TLR1: variants seen among roughly 807,000 people sequenced by gnomAD.
The protein encoded by TLR1 is toll-like receptor 1.
A neutral mutation model predicts 20.2 loss-of-function variants in TLR1; 19 were observed. The ratio of observed to expected loss-of-function variants is 0.94; its 90% CI spans 0.66 to 1.38. TLR1 has a LOEUF of 1.38. Among genes scored for constraint, TLR1 ranks in the 40% most tolerant of loss-of-function variants. The probability of loss-of-function intolerance (pLI) is 0.00; values close to 1 mark genes in which losing one functional copy is unlikely to be tolerated. For synonymous variants in TLR1, 320 were observed against 334.5 expected, an observed-to-expected ratio of 0.96 and a Z score of 0.47; for missense variants, 921 against 910.0, an observed-to-expected ratio of 1.01 and a Z score of -0.16.
Position 38,798,467 on chromosome 4 carries a change from G to T in TLR1, c.365C>A (p.Ser122Ter). ...AGGCAGGGCATCAAATGCATTAAAT[G>T]ACAGGTCCAAGTGCTTGAGGTTCAC... ...PTVNLKHLDL[S>*]FNAFDALPIC... The change falls in exon 4 of 4, where the codon TCA (serine) becomes TAA (stop). Residue 122 changes from serine to a stop codon, truncating the protein, a stop_gained. Transcript: ENST00000308979. LOFTEE classifies it low-confidence loss of function (END_TRUNC). The T allele has an allele frequency of 6.2e-7, 1 of 1,614,068 alleles. No individual in the cohort carries two copies. Among genetic ancestry groups the T allele is most frequent in the Non-Finnish European group, 8.5e-7 (1 of 1,179,984 alleles).
chr4:38,790,662 T>C (rs1275594353), downstream of TLR1: 1 of 152,156 alleles, frequency 6.6e-6, no homozygotes, highest in Non-Finnish European at 1.5e-5. Flanking sequence ...TTTGATAATG[T>C]CTTCACCTCA....
At chr4:38,795,227 C>T (rs1184059655), downstream of TLR1, among the ~76,000 whole-genome samples, 1 of 152,172 alleles carries the variant, frequency 6.6e-6, no homozygotes, top group Non-Finnish European at 1.5e-5. Context: ...AATGGTAGAA[C>T]AGGCTTCTAC....
downstream of TLR1, among the ~76,000 whole-genome samples, chr4:38,793,342 C>A (rs943206697): frequency 6.6e-6 from 1 of 152,160 alleles, no homozygotes; most frequent in Admixed American, 6.5e-5. Flanking sequence ...ATAATGAAAT[C>A]TATGCTTAGA....
At chr4:38,793,395 G>A (rs1725842739), downstream of TLR1, among the ~76,000 whole-genome samples, 1 of 152,110 alleles carries the variant, frequency 6.6e-6, no homozygotes, top group Non-Finnish European at 1.5e-5. Context: ...AATACATGAC[G>A]GAGCTAGAAT....
chr4:38,798,132 G>A lies in TLR1; in HGVS notation c.700C>T (p.Leu234=). The A allele has an allele frequency of 1.9e-6, 3 of 1,613,836 alleles. No homozygotes were observed. Among genetic ancestry groups the A allele is most frequent in the Non-Finnish European group, 2.5e-6 (3 of 1,179,792 alleles). The stretch of plus-strand genomic sequence containing the variant: ...GTTTGAAGTTTCGCCAGAATACTTA[G>A]GAAGTAAGAACATTTGTTATCTTCT... The part of the protein sequence containing the change: ...VLEDNKCSYF[L]SILAKLQTNP... The change falls in exon 4 of 4, where the codon CTA becomes TTA. Residue 234 remains leucine, a synonymous_variant. Coordinates refer to ENST00000308979, the MANE Select transcript of TLR1 (RefSeq NM_003263.4).
chr4:38,789,715 G>A (rs952292200), downstream of TLR1, among the ~76,000 whole-genome samples: 2 of 152,078 alleles, frequency 1.3e-5, no homozygotes, highest in Admixed American at 6.5e-5. Context: ...CACCTGCCTC[G>A]GCCTCCCAAA....
chr4:38,789,522 C>T (rs140471744), downstream of TLR1, among the ~76,000 whole-genome samples: 128 of 151,526 alleles, frequency 8.4e-4, no homozygotes, highest in African/African-American at 3.0e-3. Flanking sequence ...AGCTCTGCCG[C>T]TCAGGCTAGA....
downstream of TLR1, among the ~76,000 whole-genome samples, chr4:38,794,013 C>G (rs929852504): frequency 6.6e-6 from 1 of 152,130 alleles, no homozygotes; most frequent in Non-Finnish European, 1.5e-5. Context: ...AGAAATGGAT[C>G]CTTCCCTCTC....
At chr4:38,789,371 G>C (rs572157932), downstream of TLR1, among the ~76,000 whole-genome samples, 5 of 152,208 alleles carry the variant, frequency 3.3e-5, no homozygotes, top group African/African-American at 1.2e-4. Flanking sequence ...GTTTTTCTGC[G>C]AATCTGTTGT....
chr4:38,798,901 A>G lies in TLR1; in HGVS notation c.-67-3T>C. On this transcript the variant is annotated splice_polypyrimidine_tract_variant and splice_region_variant and intron_variant, in intron 3 of 3. Transcript: ENST00000308979. ...TCATCTTGATACAGATACAGATTCT[A>G]GAAAAAAAATAATGAAATGATGAAA... The G allele has an allele frequency of 8.4e-7, 1 of 1,185,802 alleles. No homozygotes were observed. Among genetic ancestry groups the G allele is most frequent in the East Asian group, 2.4e-5 (1 of 40,914 alleles). The allele number at this position is 1,185,802 out of a possible 1,614,324, so 73.5% of individuals were successfully genotyped here. A position where few individuals can be genotyped will look rare whatever the true frequency, so the allele number is the denominator to read the frequency against.
At position 38,798,328 on chromosome 4, in the gene TLR1, C is replaced by T; in HGVS notation, c.504G>A (p.Leu168=). 1 of 1,613,920 alleles carries T rather than the reference C, an allele frequency of 6.2e-7. No individual in the cohort carries two copies. The highest frequency in any genetic ancestry group is 8.5e-7 in the Non-Finnish European group (1 of 1,179,910). The change falls in exon 4 of 4, where the codon TTG becomes TTA. Residue 168 remains leucine (L), a synonymous_variant. Coordinates refer to ENST00000308979, the MANE Select transcript of TLR1 (RefSeq NM_003263.4). ...PIAHLNISKV[L]LVLGETYGEK... ...CCCCATAAGTCTCTCCTAAGACCAG[C>T]AAGACCTTGCTGATATTCAAATGAG... is the stretch of plus-strand genomic sequence containing the variant.
chr4:38,799,374 T>G (rs550223507), intron 3 of TLR1, among the ~76,000 whole-genome samples: 79 of 152,238 alleles, frequency 5.2e-4, no homozygotes, highest in Admixed American at 1.8e-3. Context: ...GAAGGCCTTG[T>G]GACAGTGGAG....
At position 38,797,241 on chromosome 4, in the gene TLR1, C is replaced by CA. The variant is rs1181307844; in HGVS notation, c.1590dup (p.Glu531Ter). ...ATATTTTTGACAAATTCTCCTAGCT[C>CA]ACAGGTACATTGGAATGGATTGTCC... On this transcript the variant is annotated frameshift_variant, in exon 4 of 4. Coordinates refer to ENST00000308979, the MANE Select transcript of TLR1 (RefSeq NM_003263.4). LOFTEE classifies it high-confidence loss of function. The CA allele has an allele frequency of 6.2e-7, 1 of 1,614,102 alleles. No individual in the cohort carries two copies. Among genetic ancestry groups the CA allele is most frequent in the East Asian group, 2.2e-5 (1 of 44,896 alleles).
downstream of TLR1, among the ~76,000 whole-genome samples, chr4:38,791,868 A>G (rs1047466133): frequency 6.6e-6 from 1 of 152,222 alleles, no homozygotes. Flanking sequence ...ACGTCTCCAC[A>G]GTAATAAAGC....
rs1452609620 is a variant in TLR1 at position 38,798,122 on chromosome 4, A to G, written c.710T>C (p.Leu237Pro). The change falls in exon 4 of 4, where the codon CTG (leucine) becomes CCG (proline). Residue 237 changes from leucine (L) to proline (P), a missense_variant. Coordinates refer to ENST00000308979, the MANE Select transcript of TLR1 (RefSeq NM_003263.4). ...CTTTGGATTTGTTTGAAGTTTCGCC[A>G]GAATACTTAGGAAGTAAGAACATTT... ...DNKCSYFLSILAKLQTNPKLS... is the reference protein window; with the variant it reads ...DNKCSYFLSIPAKLQTNPKLS... The G allele has an allele frequency of 1.2e-6, 2 of 1,613,850 alleles. No homozygotes were observed. Among genetic ancestry groups the G allele is most frequent in the East Asian group, 4.5e-5 (2 of 44,876 alleles).
chr4:38,789,486 C>CT (rs750693233), downstream of TLR1, among the ~76,000 whole-genome samples: 183 of 146,174 alleles, frequency 1.3e-3, 1 homozygote, highest in Non-Finnish European at 1.8e-3. Flanking sequence ...TTTTTCTTTT[C>CT]TTTTTTTTTT....
chr4:38,791,896 C>T (rs1317260520), downstream of TLR1, among the ~76,000 whole-genome samples: 4 of 152,112 alleles, frequency 2.6e-5, no homozygotes. Flanking sequence ...GAGTACATAA[C>T]CACCCAAAGT....
At chr4:38,801,028 G>T (rs1333594142) in intron 2 of TLR1, 80 bp from the exon 3 acceptor site, 1 of 152,582 alleles carries the variant, frequency 6.6e-6, no homozygotes, top group African/African-American at 2.4e-5. Flanking sequence ...ACTGTATTTG[G>T]CTGAAAGACC....
chr4:38,793,781 C>A (rs1242590442), downstream of TLR1, among the ~76,000 whole-genome samples: 1 of 151,976 alleles, frequency 6.6e-6, no homozygotes, highest in Non-Finnish European at 1.5e-5. Context: ...ACCCCAGAAC[C>A]TCAGAATTAC....
Sources: allele counts gnomAD v4.1 joint callset (sites outside exome capture counted in the v4.1 genomes callset), GRCh38; gene constraint gnomAD v4.1.1; transcripts MANE v1.5; gene names NCBI Gene and HGNC (gene_info 2026-07-23, HGNC 2026-07-21).